ARHGEF10: variants seen among roughly 807,000 people sequenced by gnomAD.
ARHGEF10 encodes Rho guanine nucleotide exchange factor 10.
ARHGEF10 carries 140 observed loss-of-function variants against 147.4 expected under a neutral mutation model. That is an observed-to-expected ratio of 0.95 (90% confidence interval 0.83 to 1.09). The LOEUF (loss-of-function observed/expected upper bound fraction) is 1.09, where lower values mean the gene tolerates loss of function less well. Ranked by LOEUF, ARHGEF10 falls within the 50% of genes least tolerant of loss-of-function variation. ARHGEF10 has a pLI of 0.00. For missense variants in ARHGEF10, 2,222 were observed against 1,752.7 expected, an observed-to-expected ratio of 1.27 and a Z score of -4.78; for synonymous variants, 902 against 695.8, an observed-to-expected ratio of 1.30 and a Z score of -4.67.
At chr8:1,922,247 G>C (rs1163828418) in intron 18 of ARHGEF10, among the ~76,000 whole-genome samples, 2 of 148,752 alleles carry the variant, frequency 1.3e-5, no homozygotes. Context: ...AGTCATCGAA[G>C]ACAAACCATT....
intron 1 of ARHGEF10, among the ~76,000 whole-genome samples, chr8:1,841,004 G>A (rs73538786): frequency 0.1 from 15,152 of 152,208 alleles, 1,310 homozygotes; most frequent in African/African-American, 0.22. Context: ...CAGGTGGAGC[G>A]ATGACCTCAC....
At chr8:1,862,042 G>A (rs1384149289) in intron 4 of ARHGEF10, among the ~76,000 whole-genome samples, 6 of 152,150 alleles carry the variant, frequency 3.9e-5, no homozygotes, top group Admixed American at 6.5e-5. Flanking sequence ...TTTAAGTCCC[G>A]GAGTAGAGGA....
intron 6 of ARHGEF10, among the ~76,000 whole-genome samples, chr8:1,868,338 T>C (rs55970835): frequency 0.083 from 12,713 of 152,254 alleles, 1,197 homozygotes; most frequent in African/African-American, 0.24. Flanking sequence ...GTTGTCTGTA[T>C]GTTTTTGATG....
chr8:1,933,692 A>T, intron 25 of ARHGEF10, 108 bp from the exon 26 acceptor site: 1 of 1,372,358 alleles, frequency 7.3e-7, no homozygotes, highest in Non-Finnish European at 1.0e-6. Context: ...CATTAACATT[A>T]CAGGTGATCC....
rs146355653 is a variant in ARHGEF10, at chr8:1,928,705, G to A, written c.2921+55G>A. ...TTAGCAAGCTCTGCCCATGGAGGGC[G>A]TGGTGGGGAGCCTGTCCTGGAAAGA... On this transcript the variant is annotated intron_variant, in intron 24 of 28. Transcript: ENST00000349830. The A allele has an allele frequency of 6.6e-4, 1,040 of 1,579,788 alleles. 3 individuals carry two copies. The African/African-American group carries it at 0.01, about 16-fold the overall frequency.
At chr8:1,856,888 C>T (rs1805594423) in intron 2 of ARHGEF10, among the ~76,000 whole-genome samples, 1 of 152,164 alleles carries the variant, frequency 6.6e-6, no homozygotes, top group Non-Finnish European at 1.5e-5. Context: ...CTGGGTTCCT[C>T]TCGCTCCTGG....
intron 2 of ARHGEF10, among the ~76,000 whole-genome samples, chr8:1,851,887 G>T (rs935597433): frequency 2.6e-5 from 4 of 151,106 alleles, no homozygotes; most frequent in Non-Finnish European, 1.5e-5. Flanking sequence ...GCACTCCAGC[G>T]CGGGCAACAG....
At chr8:1,901,647 G>C (rs1181049111) in intron 15 of ARHGEF10, among the ~76,000 whole-genome samples, 1 of 152,214 alleles carries the variant, frequency 6.6e-6, no homozygotes, top group Non-Finnish European at 1.5e-5. Flanking sequence ...GATGCCCCCG[G>C]CTGTGCTCAG....
chr8:1,886,023 C>T (rs889838488), intron 11 of ARHGEF10, among the ~76,000 whole-genome samples: 2 of 152,144 alleles, frequency 1.3e-5, no homozygotes, highest in African/African-American at 4.8e-5. Context: ...GAGTCAGTCA[C>T]ACAGTTTTTA....
chr8:1,955,902 C>G (rs1815526463), intron 28 of ARHGEF10, among the ~76,000 whole-genome samples: 1 of 152,258 alleles, frequency 6.6e-6, no homozygotes, highest in African/African-American at 2.4e-5. Flanking sequence ...GCACAGTCCC[C>G]CCAGCTCCTG....
intron 7 of ARHGEF10, chr8:1,876,364 C>T (rs1807700546): frequency 1.6e-6 from 1 of 612,754 alleles, no homozygotes; most frequent in Admixed American, 2.8e-5. Flanking sequence ...AAGTGCTTTT[C>T]CCCAGCCTCC....
At chr8:1,867,362 T>C (rs1252624539) in intron 6 of ARHGEF10, among the ~76,000 whole-genome samples, 2 of 152,252 alleles carry the variant, frequency 1.3e-5, no homozygotes, top group South Asian at 2.1e-4. Context: ...ACGTGAATGA[T>C]TCGTGTTTAG....
At chr8:1,907,551 T>A (rs989219298) in intron 17 of ARHGEF10, among the ~76,000 whole-genome samples, 17 of 152,230 alleles carry the variant, frequency 1.1e-4, no homozygotes, top group African/African-American at 3.9e-4. Flanking sequence ...CTCAGGCTGC[T>A]GTTGGGGAGC....
intron 2 of ARHGEF10, among the ~76,000 whole-genome samples, chr8:1,843,725 C>A (rs915265807): frequency 6.6e-6 from 1 of 152,196 alleles, no homozygotes; most frequent in Non-Finnish European, 1.5e-5. Context: ...TAGCCTGATG[C>A]AATCGGAGAT....
At position 1,923,861 on chromosome 8, in the gene ARHGEF10, C is replaced by G; in HGVS notation, c.2475C>G (p.Ala825=). 2 of 1,614,128 alleles carry G rather than the reference C, an allele frequency of 1.2e-6. No homozygotes were observed. Among genetic ancestry groups the G allele is most frequent in the Non-Finnish European group, 1.7e-6 (2 of 1,179,994 alleles). The change falls in exon 21 of 29, where the codon GCC becomes GCG. Residue 825 remains alanine (A), a synonymous_variant. Transcript: ENST00000349830. ...CCTGGGTCAACAGCTTACAGATGGC[C>G]AAGCTCGCCCTAGGTAAGGCCTGGC... ...KESWVNSLQM[A]KLALEEENHM...
chr8:1,951,065 C>T (rs368095419), intron 27 of ARHGEF10, among the ~76,000 whole-genome samples: 7 of 152,252 alleles, frequency 4.6e-5, no homozygotes, highest in Middle Eastern at 3.4e-3. Context: ...CACGGAGGGC[C>T]GGGGAGGCCG....
chr8:1,947,641 A>T (rs1236038998), intron 27 of ARHGEF10, among the ~76,000 whole-genome samples: 2 of 21,064 alleles, frequency 9.5e-5, no homozygotes, highest in Non-Finnish European at 1.8e-4. Context: ...CACCCCACCC[A>T]CTGTCAGCAC....
chr8:1,824,343 G>T (rs927556432), intron 1 of ARHGEF10, among the ~76,000 whole-genome samples: 2 of 152,014 alleles, frequency 1.3e-5, no homozygotes, highest in South Asian at 2.1e-4. Flanking sequence ...GGCCTGGGCG[G>T]GGGGAGCAGG....
At position 1,936,778 on chromosome 8, in the gene ARHGEF10, C is replaced by T. The variant is rs114422282; in HGVS notation, c.3222+2836C>T. ...TCATATTTGCACACACTGACGAGAC[C>T]GGTTTCAGGATGTGCCTAGGCTGCA... On this transcript the variant is annotated intron_variant, in intron 26 of 28. Transcript: ENST00000349830. 8.6e-3 allele frequency among the ~76,000 whole-genome samples: 1,317 copies of T among 152,264 alleles called. 20 individuals carry two copies. The highest frequency in any genetic ancestry group is 0.029 in the African/African-American group (1,222 of 41,536).
Sources: gnomAD v4.1 joint callset for allele counts (sites outside exome capture counted in the v4.1 genomes callset) on GRCh38, gnomAD v4.1.1 for gene constraint, MANE v1.5 for transcripts, NCBI Gene and HGNC (gene_info 2026-07-23, HGNC 2026-07-21) for gene names.